Variants in RORA observed in about 807,000 individuals in gnomAD.
The protein encoded by RORA is nuclear receptor ROR-alpha.
RORA carries 7 observed loss-of-function variants against 69.5 expected under a neutral mutation model. That is an observed-to-expected ratio of 0.10 (90% CI 0.06 to 0.19). The LOEUF (loss-of-function observed/expected upper bound fraction) is 0.19, where lower values mean the gene tolerates loss of function less well. RORA is among the 10% of genes least tolerant of loss of function. The pLI, the probability that RORA is intolerant of heterozygous loss-of-function variation, is 1.00. For missense variants in RORA, 457 were observed against 663.0 expected (o/e 0.69, Z 3.41); for synonymous variants, 261 against 240.8 (o/e 1.08, Z -0.78).
At chr15:60,582,725 GC>G (rs2068228539) in intron 2 of RORA, among the ~76,000 whole-genome samples, 1 of 152,196 alleles carries the variant, frequency 6.6e-6, no homozygotes, top group Non-Finnish European at 1.5e-5. Flanking sequence ...ATCTGTAAGA[GC>G]ACAGCCTGGG....
chr15:61,174,728 A>G (rs2079613140), intron 1 of RORA, among the ~76,000 whole-genome samples: 1 of 152,066 alleles, frequency 6.6e-6, no homozygotes, highest in South Asian at 2.1e-4. Flanking sequence ...ACAACCCTAC[A>G]TTTTTACCCT....
chr15:60,963,467 T>C (rs1893468862), intron 1 of RORA, among the ~76,000 whole-genome samples: 1 of 152,176 alleles, frequency 6.6e-6, no homozygotes, highest in South Asian at 2.1e-4. Flanking sequence ...AGGTTTATGT[T>C]AATTTCTCTT....
At chr15:60,781,404 C>T (rs77618226) in intron 1 of RORA, among the ~76,000 whole-genome samples, 5,809 of 152,220 alleles carry the variant, frequency 0.038, 319 homozygotes, top group African/African-American at 0.12. Flanking sequence ...TAATTTGGTA[C>T]CTGAGAGTCA....
intron 1 of RORA, chr15:60,848,421 C>G (rs760872219): frequency 6.6e-6 from 1 of 152,356 alleles, no homozygotes; most frequent in Non-Finnish European, 1.5e-5. Flanking sequence ...GGTGTGATGA[C>G]AGAAGCAGAA....
At chr15:60,610,722 C>CAGAGAGAG (rs148423081) in intron 2 of RORA, among the ~76,000 whole-genome samples, 6 of 149,438 alleles carry the variant, frequency 4.0e-5, no homozygotes, top group African/African-American at 1.5e-4. Context: ...ACACTGAGAT[C>CAGAGAGAG]AGAGAGAGAG....
intron 1 of RORA, among the ~76,000 whole-genome samples, chr15:60,946,979 C>G (rs1892902263): frequency 2.0e-5 from 3 of 151,292 alleles, no homozygotes; most frequent in Admixed American, 2.0e-4. Context: ...AAGTGAGGAG[C>G]CCCTCCGTCC....
At chr15:60,979,076 C>T (rs1268631795) in intron 1 of RORA, among the ~76,000 whole-genome samples, 1 of 150,358 alleles carries the variant, frequency 6.7e-6, no homozygotes, top group African/African-American at 2.4e-5. Flanking sequence ...ATTCTCCTGC[C>T]TCAGCCTCCT....
At chr15:60,903,110 C>A (rs1427028385) in intron 1 of RORA, among the ~76,000 whole-genome samples, 1 of 152,166 alleles carries the variant, frequency 6.6e-6, no homozygotes, top group East Asian at 1.9e-4. Flanking sequence ...TCAGAGGTGG[C>A]ACTCCAGTGG....
intron 5 of RORA, among the ~76,000 whole-genome samples, chr15:60,509,501 G>A (rs896918392): frequency 5.3e-5 from 8 of 152,292 alleles, no homozygotes; most frequent in East Asian, 1.9e-4. Flanking sequence ...GCCCCACTTC[G>A]GTATGAGTGC....
intron 1 of RORA, among the ~76,000 whole-genome samples, chr15:60,857,543 G>A (rs1259201179): frequency 1.3e-5 from 2 of 152,022 alleles, no homozygotes; most frequent in Non-Finnish European, 2.9e-5. Flanking sequence ...CTGAAGGTAT[G>A]CCTACTCCTT....
intron 2 of RORA, among the ~76,000 whole-genome samples, chr15:60,617,659 C>CAGAGAGAGAGAGAGAGAGAGAGAG (rs10594406): frequency 2.1e-5 from 3 of 141,432 alleles, no homozygotes; most frequent in Non-Finnish European, 1.6e-5. Context: ...CACATACAGA[C>CAGAGAGAGAGAGAGAGAGAGAGAG]AGAGAGAGAG....
chr15:60,928,033 T>C (rs1053659559), intron 1 of RORA, among the ~76,000 whole-genome samples: 2 of 152,128 alleles, frequency 1.3e-5, no homozygotes, highest in African/African-American at 4.8e-5. Flanking sequence ...ACTGCAACAG[T>C]CATCAAGCAA....
intron 1 of RORA, among the ~76,000 whole-genome samples, chr15:61,008,111 T>C (rs1894970879): frequency 6.6e-6 from 1 of 152,006 alleles, no homozygotes; most frequent in Non-Finnish European, 1.5e-5. Flanking sequence ...CCTCTGCTAT[T>C]GAACTATTTA....
chr15:61,229,091 G>A lies in RORA; in HGVS notation c.128C>T (p.Ala43Val), dbSNP rs1239411526. ...QESARKSEPP[A>V]PVRRQSYSST... ...GGAATAGCTCTGTCTGCGCACCGGG[G>A]CAGGCGGCTCGCTCTTGCGGGCGGA... Residue 43 changes from alanine (A) to valine (V), a missense_variant, in exon 1 of 11, where the codon GCC becomes GTC. Physicochemically the swap from Ala to Val is moderately conservative, Grantham distance 64 (BLOSUM62 0). Coordinates refer to ENST00000335670, the MANE Select transcript of RORA (RefSeq NM_134261.3). 3 of 1,539,060 alleles carry A rather than the reference G, an allele frequency of 1.9e-6. No homozygotes were observed. The highest frequency in any genetic ancestry group is 2.6e-6 in the Non-Finnish European group (3 of 1,143,102).
intron 3 of RORA, among the ~76,000 whole-genome samples, chr15:60,525,902 G>A (rs1276782226): frequency 6.6e-6 from 1 of 152,034 alleles, no homozygotes; most frequent in African/African-American, 2.4e-5. Flanking sequence ...GGATCAGTGT[G>A]GGCCAAAAGT....
chr15:61,161,741 C>A (rs905677611), intron 1 of RORA, among the ~76,000 whole-genome samples: 123 of 152,062 alleles, frequency 8.1e-4, no homozygotes, highest in African/African-American at 2.9e-3. Flanking sequence ...TAATTACAGG[C>A]AATTTCTTCT....
intron 2 of RORA, among the ~76,000 whole-genome samples, chr15:60,550,278 A>G (rs1253474356): frequency 6.6e-6 from 1 of 152,014 alleles, no homozygotes; most frequent in Non-Finnish European, 1.5e-5. Flanking sequence ...CAGCAGAGTG[A>G]GACTCCGTCT....
chr15:61,151,693 T>G (rs2079399385), intron 1 of RORA, among the ~76,000 whole-genome samples: 1 of 152,242 alleles, frequency 6.6e-6, no homozygotes, highest in Admixed American at 6.5e-5. Flanking sequence ...GCCACCATTG[T>G]CTTTACCTGT....
chr15:60,928,294 C>T (rs1364304045), intron 1 of RORA, among the ~76,000 whole-genome samples: 2 of 152,202 alleles, frequency 1.3e-5, no homozygotes, highest in African/African-American at 2.4e-5. Context: ...CTTCATGTTC[C>T]TTTATTGTCA....
Sources: allele counts gnomAD v4.1 joint callset (sites outside exome capture counted in the v4.1 genomes callset), GRCh38; gene constraint gnomAD v4.1.1; transcripts MANE v1.5; gene names NCBI Gene and HGNC (gene_info 2026-07-23, HGNC 2026-07-21).